The following PRKACB variants were observed in gnomAD, a reference collection of about 807,000 sequenced individuals.
PRKACB encodes the protein protein kinase cAMP-activated catalytic subunit beta.
In PRKACB, 16 loss-of-function variants were observed where a neutral mutation model predicts 51.4. The ratio of observed to expected loss-of-function variants is 0.31; its 90% CI spans 0.21 to 0.47. The LOEUF (loss-of-function observed/expected upper bound fraction) is 0.47, where lower values mean the gene tolerates loss of function less well. Ranked by LOEUF, PRKACB falls within the 20% of genes least tolerant of loss-of-function variation. PRKACB has a pLI of 1.00. For synonymous variants in PRKACB, 147 were observed against 154.4 expected, an observed-to-expected ratio of 0.95 and a Z score of 0.35; for missense variants, 309 against 464.5, an observed-to-expected ratio of 0.67 and a Z score of 3.08.
At chr1:84,139,839 A>T (rs1653214946), upstream of PRKACB, among the ~76,000 whole-genome samples, 1 of 152,204 alleles carries the variant, frequency 6.6e-6, no homozygotes, top group African/African-American at 2.4e-5. Flanking sequence ...TGGGCGGATC[A>T]CGAGGTCAGG....
chr1:84,224,564 G>T (rs1465304851), intron 9 of PRKACB, among the ~76,000 whole-genome samples: 1 of 152,192 alleles, frequency 6.6e-6, no homozygotes, highest in Non-Finnish European at 1.5e-5. Context: ...GCCAGTAGTG[G>T]GTGGGGCAGG....
chr1:84,125,495 A>C (rs568517889), intron 1 of PRKACB, among the ~76,000 whole-genome samples: 1 of 152,182 alleles, frequency 6.6e-6, no homozygotes, highest in Non-Finnish European at 1.5e-5. Flanking sequence ...AGTTAGGCAT[A>C]TATTGAAACA....
intron 1 of PRKACB, among the ~76,000 whole-genome samples, chr1:84,127,689 T>C: frequency 6.6e-6 from 1 of 152,160 alleles, no homozygotes; most frequent in Non-Finnish European, 1.5e-5. Context: ...ATTTAGTTCT[T>C]ATTTTCTGTT....
At chr1:84,231,249 C>G (rs1675598751) in intron 9 of PRKACB, among the ~76,000 whole-genome samples, 1 of 152,200 alleles carries the variant, frequency 6.6e-6, no homozygotes, top group African/African-American at 2.4e-5. Flanking sequence ...ATTGAACCAG[C>G]CTTGCATCCC....
At chr1:84,197,016 A>G (rs1177802948) in intron 6 of PRKACB, among the ~76,000 whole-genome samples, 2 of 152,198 alleles carry the variant, frequency 1.3e-5, no homozygotes, top group Non-Finnish European at 2.9e-5. Context: ...TATTAGTGCC[A>G]GGCATATTCC....
Position 84,235,696 on chromosome 1 carries a change from A to G in PRKACB, c.*391A>G, listed in dbSNP as rs996338502. The G allele has an allele frequency of 3.2e-5, 5 of 158,294 alleles. No individual in the cohort carries two copies. The highest frequency in any genetic ancestry group is 2.6e-4 in the Admixed American group (4 of 15,502). 9.8% of individuals were successfully genotyped at this position (158,294 alleles called of 1,614,324 possible). On this transcript the variant is annotated 3_prime_UTR_variant, in exon 10 of 10. Coordinates refer to ENST00000370685, the MANE Select transcript of PRKACB (RefSeq NM_182948.4). ...GAAGGGAAGGATAAGTGTTGCTTTC[A>G]GTAGTTATTGCCAATATTGTTGTTG...
chr1:84,133,352 A>G (rs985628714), intron 1 of PRKACB, among the ~76,000 whole-genome samples: 1 of 152,150 alleles, frequency 6.6e-6, no homozygotes, highest in Non-Finnish European at 1.5e-5. Flanking sequence ...AAGGTTATTC[A>G]TTGCCAACAG....
intron 5 of PRKACB, among the ~76,000 whole-genome samples, chr1:84,186,226 GT>G (rs34133387): frequency 0.98 from 147,700 of 150,430 alleles, 72,576 homozygotes; most frequent in Non-Finnish European, 1. Flanking sequence ...TTTGTTTTTG[GT>G]TTTTTTTTTG....
intron 9 of PRKACB, among the ~76,000 whole-genome samples, chr1:84,224,884 C>T (rs1674317980): frequency 6.6e-6 from 1 of 152,234 alleles, no homozygotes. Context: ...TGTCCCCAGG[C>T]TCCTCTGTTG....
chr1:84,110,864 C>T lies in PRKACB; in HGVS notation c.46+32493C>T, dbSNP rs574066533. 2.0e-5 allele frequency among the ~76,000 whole-genome samples: 3 copies of T among 152,124 alleles called. No homozygotes were observed. In the South Asian group the frequency reaches 6.2e-4, roughly 32 times the overall value. The stretch of plus-strand genomic sequence containing the variant: ...CTATTTTGGTGAAAATGATGCACCT[C>T]TTTAGTCATATAAGCCAGAATTTTG... On this transcript the variant is annotated intron_variant, in intron 1 of 8. Coordinates refer to the PRKACB transcript ENST00000370688.
chr1:84,220,598 G>A (rs74503483), intron 9 of PRKACB, among the ~76,000 whole-genome samples: 2,364 of 152,152 alleles, frequency 0.016, 20 homozygotes, highest in South Asian at 0.056. Context: ...CCTTTATTAT[G>A]TTGAGTAATG....
intron 1 of PRKACB, among the ~76,000 whole-genome samples, chr1:84,131,452 A>C (rs1474447625): frequency 6.6e-6 from 1 of 152,322 alleles, no homozygotes; most frequent in Non-Finnish European, 1.5e-5. Flanking sequence ...GCAAATTTGC[A>C]GATGTTCAAG....
chr1:84,120,278 A>G (rs542564712), intron 1 of PRKACB, among the ~76,000 whole-genome samples: 4 of 152,262 alleles, frequency 2.6e-5, no homozygotes, highest in African/African-American at 9.6e-5. Flanking sequence ...TGGGTAACTT[A>G]TCATACTATA....
chr1:84,217,924 A>G (rs1461609019), intron 9 of PRKACB, among the ~76,000 whole-genome samples: 1 of 152,168 alleles, frequency 6.6e-6, no homozygotes, highest in South Asian at 2.1e-4. Flanking sequence ...TATTTATTGA[A>G]TAATTCTTAT....
chr1:84,124,587 C>T (rs192005502), intron 1 of PRKACB, among the ~76,000 whole-genome samples: 1 of 152,296 alleles, frequency 6.6e-6, no homozygotes, highest in African/African-American at 2.4e-5. Flanking sequence ...CCTACCTTCA[C>T]CTCTTTATGC....
chr1:84,205,819 G>A (rs1034925855), intron 8 of PRKACB, among the ~76,000 whole-genome samples: 7 of 152,016 alleles, frequency 4.6e-5, no homozygotes, highest in South Asian at 2.1e-4. Flanking sequence ...AAAAAACAGA[G>A]GAGGTGGTAT....
intron 1 of PRKACB, among the ~76,000 whole-genome samples, chr1:84,148,088 T>C (rs1654355133): frequency 6.6e-6 from 1 of 152,186 alleles, no homozygotes; most frequent in Non-Finnish European, 1.5e-5. Context: ...ACTAACGCTT[T>C]TGACGTGACA....
intron 1 of PRKACB, chr1:84,086,133 C>T (rs1647965146): frequency 6.3e-7 from 1 of 1,590,388 alleles, no homozygotes; most frequent in East Asian, 2.2e-5. Context: ...TTGGTGGTGC[C>T]CACTGTGCTG....
chr1:84,179,244 GA>G lies in PRKACB; in HGVS notation c.249+8del. 6.4e-7 allele frequency: 1 copy of G among 1,557,358 alleles called. No homozygotes were observed. The highest frequency in any genetic ancestry group is 8.7e-7 in the Non-Finnish European group (1 of 1,154,604). ...AATGGGAGAATCCAACTCAGGTAAG[GA>G]ATATTTAGATTTTTCTAAAATTAAA... On this transcript the variant is annotated splice_region_variant and intron_variant, in intron 2 of 9. Transcript: ENST00000370685.
Sources: gnomAD v4.1 joint callset for allele counts (sites outside exome capture counted in the v4.1 genomes callset) on GRCh38, gnomAD v4.1.1 for gene constraint, MANE v1.5 for transcripts, NCBI Gene and HGNC (gene_info 2026-07-23, HGNC 2026-07-21) for gene names.